TPCN2: variants seen among roughly 807,000 people sequenced by gnomAD.
TPCN2 encodes the protein two pore channel protein 2.
In TPCN2, 92 loss-of-function variants were observed where a neutral mutation model predicts 111.4. That is an observed-to-expected ratio of 0.83 (90% CI 0.70 to 0.98). TPCN2 has a LOEUF of 0.98. Ranked by LOEUF, TPCN2 falls within the 50% of genes least tolerant of loss-of-function variation. The probability of loss-of-function intolerance (pLI) is 0.00; values close to 1 mark genes in which losing one functional copy is unlikely to be tolerated. For missense variants in TPCN2, 995 were observed against 980.1 expected (o/e 1.02, Z -0.20); for synonymous variants, 405 against 414.5 (o/e 0.98, Z 0.28).
intron 1 of TPCN2, among the ~76,000 whole-genome samples, chr11:69,050,252 C>G (rs1861161174): frequency 6.6e-6 from 1 of 152,222 alleles, no homozygotes; most frequent in Admixed American, 6.5e-5. Flanking sequence ...GGGAGCAGCT[C>G]TGGCAGGCCC....
intron 11 of TPCN2, 112 bp downstream of exon 11, chr11:69,072,135 C>G (rs916336605): frequency 4.7e-6 from 4 of 859,700 alleles, no homozygotes; most frequent in Non-Finnish European, 5.4e-6. Flanking sequence ...CTCGCCCCTG[C>G]TGGCTGGCAC....
At chr11:69,064,726 T>C in intron 7 of TPCN2, among the ~76,000 whole-genome samples, 1 of 152,214 alleles carries the variant, frequency 6.6e-6, no homozygotes, top group East Asian at 1.9e-4. Flanking sequence ...TTGGTGTGTG[T>C]TGTCCAGAAG....
Position 69,087,218 on chromosome 11 carries a change from G to A in TPCN2, c.2180+12G>A, listed in dbSNP as rs373323370. ...GAGCTCCTGTTCAGGTGTGTGGGTGGGGAAGGCGCTTCTGTCTGGCCCCCT... is the reference window on the plus strand; with the variant it reads ...GAGCTCCTGTTCAGGTGTGTGGGTGAGGAAGGCGCTTCTGTCTGGCCCCCT... On this transcript the variant is annotated intron_variant, in intron 24 of 24. Coordinates refer to ENST00000294309, the MANE Select transcript of TPCN2 (RefSeq NM_139075.4). 32 of 1,612,438 alleles carry A rather than the reference G, an allele frequency of 2.0e-5. No homozygotes were observed. The African/African-American group carries it at 3.7e-4, about 19-fold the overall frequency.
chr11:69,064,068 C>A, intron 7 of TPCN2, 101 bp downstream of exon 7: 1 of 1,174,232 alleles, frequency 8.5e-7, no homozygotes, highest in Non-Finnish European at 1.2e-6. Context: ...AACCCATGTG[C>A]GGACTCTGTC....
intron 5 of TPCN2, among the ~76,000 whole-genome samples, chr11:69,061,054 G>A (rs1306020964): frequency 6.6e-6 from 1 of 152,216 alleles, no homozygotes; most frequent in Non-Finnish European, 1.5e-5. Flanking sequence ...GCTGCTGCTG[G>A]CTGGACCTTG....
intron 1 of TPCN2, 68 bp downstream of exon 1, chr11:69,049,174 T>G (rs1258202241): frequency 9.9e-7 from 1 of 1,014,346 alleles, no homozygotes; most frequent in African/African-American, 1.7e-5. Context: ...GGTCCCGCTG[T>G]CCCAGCACCC....
chr11:69,076,280 G>T (rs528274536), intron 13 of TPCN2, among the ~76,000 whole-genome samples: 1 of 152,164 alleles, frequency 6.6e-6, no homozygotes, highest in Middle Eastern at 3.2e-3. Context: ...AGCAGGAGGC[G>T]ACCCTCCTGG....
intron 8 of TPCN2, 146 bp downstream of exon 8, chr11:69,067,751 C>G (rs1855335611): frequency 1.6e-6 from 1 of 628,384 alleles, no homozygotes; most frequent in Admixed American, 3.0e-5. Flanking sequence ...ATTTTCCTTC[C>G]TCCCCTTCTT....
chr11:69,081,293 C>A, intron 17 of TPCN2, 107 bp from the exon 18 acceptor site: 1 of 690,204 alleles, frequency 1.4e-6, no homozygotes, highest in Non-Finnish European at 2.5e-6. Context: ...TCCCGTCATG[C>A]CCTGTTGCCC....
chr11:69,058,389 G>A (rs1353596391), intron 5 of TPCN2, among the ~76,000 whole-genome samples: 3 of 152,144 alleles, frequency 2.0e-5, no homozygotes, highest in African/African-American at 7.2e-5. Context: ...GAGAGATGGG[G>A]GTTGTTAGCA....
In TPCN2 at chr11:69,084,021, G is replaced by C. The variant is rs1445945735; in HGVS notation, c.1761+5G>C. On this transcript the variant is annotated splice_donor_5th_base_variant and intron_variant, in intron 19 of 24. Transcript: ENST00000294309. The stretch of plus-strand genomic sequence containing the variant: ...GCGTTTGGCGGGATCCTGGTGGTGA[G>C]TCCCAGGCTGCTGCTGGTGGCGGGT... The C allele has an allele frequency of 1.9e-6, 3 of 1,614,050 alleles. No homozygotes were observed. Among genetic ancestry groups the C allele is most frequent in the Non-Finnish European group, 2.5e-6 (3 of 1,179,932 alleles).
In TPCN2 at chr11:69,090,581, G is replaced by A. The variant is rs1003335774; in HGVS notation, c.*2628G>A. ...TGCCTCATTAAGATGCAATAAATAT[G>A]TAAGTACATAAAAACAGCAATAGAA... On this transcript the variant is annotated 3_prime_UTR_variant, in exon 25 of 25. Transcript: ENST00000294309. 3 of 152,184 alleles carry A rather than the reference G, an allele frequency of 2.0e-5. No individual in the cohort carries two copies. Among genetic ancestry groups the A allele is most frequent in the Non-Finnish European group, 2.9e-5 (2 of 68,052 alleles). 9.4% of individuals were successfully genotyped at this position (152,184 alleles called of 1,614,324 possible).
intron 6 of TPCN2, among the ~76,000 whole-genome samples, chr11:69,063,346 G>A (rs1256590919): frequency 1.3e-5 from 2 of 151,904 alleles, no homozygotes; most frequent in Non-Finnish European, 2.9e-5. Flanking sequence ...TCATGGTGTC[G>A]GCACGCTGCC....
chr11:69,080,618 C>T (rs1327052520), intron 17 of TPCN2, among the ~76,000 whole-genome samples: 2 of 152,196 alleles, frequency 1.3e-5, no homozygotes, highest in Non-Finnish European at 2.9e-5. Context: ...TGTGCTGTGT[C>T]ATCCACCCCA....
rs752338892 is a variant in TPCN2 at position 69,087,845 on chromosome 11, C to T, written c.2181-30C>T. The T allele has an allele frequency of 8.8e-6, 14 of 1,588,990 alleles. No homozygotes were observed. The Admixed American group carries it at 2.4e-4, about 27-fold the overall frequency. On this transcript the variant is annotated intron_variant, in intron 24 of 24. Coordinates refer to ENST00000294309, the MANE Select transcript of TPCN2 (RefSeq NM_139075.4). ...GCCAGGGTCTCCCTCCTTTAGAGGC[C>T]CCTGTGTGCATCTTTCCTCAATTCC... is the stretch of plus-strand genomic sequence containing the variant.
intron 10 of TPCN2, among the ~76,000 whole-genome samples, 159 bp downstream of exon 10, chr11:69,071,579 G>A (rs751247234): frequency 2.0e-5 from 3 of 152,220 alleles, no homozygotes; most frequent in African/African-American, 7.2e-5. Context: ...GGATGCACAT[G>A]TGTTGTTGCT....
At chr11:69,057,776 A>G in intron 5 of TPCN2, 82 bp downstream of exon 5, 1 of 1,292,948 alleles carries the variant, frequency 7.7e-7, no homozygotes, top group Non-Finnish European at 1.1e-6. Context: ...GCTGGGATGG[A>G]GCCCTGAGCC....
At chr11:69,054,305 C>T in intron 2 of TPCN2, 1 of 593,532 alleles carries the variant, frequency 1.7e-6, no homozygotes, top group Admixed American at 2.9e-5. Context: ...TGCTTTGATG[C>T]ACCGTGTTCT....
chr11:69,084,827 G>A, intron 19 of TPCN2: 1 of 983,658 alleles, frequency 1.0e-6, no homozygotes, highest in Non-Finnish European at 1.2e-6. Context: ...GCACAGCAGA[G>A]GAAACTGAGG....
Sources: allele counts gnomAD v4.1 joint callset (sites outside exome capture counted in the v4.1 genomes callset), GRCh38; gene constraint gnomAD v4.1.1; transcripts MANE v1.5; gene names NCBI Gene and HGNC (gene_info 2026-07-23, HGNC 2026-07-21).